KCNE2: variants seen among roughly 807,000 people sequenced by gnomAD.
KCNE2 encodes potassium voltage-gated channel subfamily E member 2.
In KCNE2, 4 loss-of-function variants were observed where a neutral mutation model predicts 4.5. The ratio of observed to expected loss-of-function variants is 0.89; its 90% confidence interval spans 0.44 to 2.03. The LOEUF (loss-of-function observed/expected upper bound fraction) is 2.03. Among genes scored for constraint, KCNE2 ranks in the 30% most tolerant of loss-of-function variants. The pLI is 0.03. For missense variants in KCNE2, 137 were observed against 151.4 expected (o/e 0.90, Z 0.50); for synonymous variants, 57 against 55.9 (o/e 1.02, Z -0.09).
chr21:34,367,589 G>A (rs1009848281), intron 1 of KCNE2, among the ~76,000 whole-genome samples: 6 of 152,306 alleles, frequency 3.9e-5, no homozygotes, highest in Non-Finnish European at 8.8e-5. Flanking sequence ...AGACAGAGAA[G>A]AGTATATTAT....
At chr21:34,370,401 A>G (rs1479918465) in intron 1 of KCNE2, 66 bp from the exon 2 acceptor site, 43 of 1,604,144 alleles carry the variant, frequency 2.7e-5, no homozygotes, top group Non-Finnish European at 3.6e-5. Flanking sequence ...CCACCTTTAC[A>G]TAGCCAAATC....
At chr21:34,367,958 C>G (rs1979380289) in intron 1 of KCNE2, among the ~76,000 whole-genome samples, 1 of 151,904 alleles carries the variant, frequency 6.6e-6, no homozygotes, top group African/African-American at 2.4e-5. Context: ...TTGTCCATAC[C>G]TGTTGCAACT....
intron 1 of KCNE2, among the ~76,000 whole-genome samples, chr21:34,365,955 G>T (rs1244956142): frequency 4.6e-5 from 7 of 152,154 alleles, no homozygotes; most frequent in Non-Finnish European, 7.4e-5. Context: ...CTGTTTATTT[G>T]GCCTGGCCAC....
chr21:34,366,308 G>GA (rs1325536080), intron 1 of KCNE2, among the ~76,000 whole-genome samples: 3 of 152,074 alleles, frequency 2.0e-5, no homozygotes, highest in Non-Finnish European at 4.4e-5. Context: ...CTTTCTTGGG[G>GA]AAAAATTAAG....
chr21:34,366,033 C>T (rs895201348), intron 1 of KCNE2, among the ~76,000 whole-genome samples: 7 of 152,176 alleles, frequency 4.6e-5, no homozygotes, highest in South Asian at 2.1e-4. Context: ...TATCAAAAAG[C>T]ACCTCCTGAC....
chr21:34,367,469 T>G (rs1387456757), intron 1 of KCNE2, among the ~76,000 whole-genome samples: 1 of 152,190 alleles, frequency 6.6e-6, no homozygotes, highest in Non-Finnish European at 1.5e-5. Flanking sequence ...GTATATACCC[T>G]GGGGCAATCT....
chr21:34,366,351 T>C (rs1416840036), intron 1 of KCNE2, among the ~76,000 whole-genome samples: 2 of 152,164 alleles, frequency 1.3e-5, no homozygotes, highest in Non-Finnish European at 2.9e-5. Flanking sequence ...TCGAGGGATC[T>C]TTAACACCGC....
chr21:34,368,267 T>TATATTATA lies in KCNE2; in HGVS notation c.-12-2200_-12-2199insATATTATA, dbSNP rs1370394357. 7.0e-5 allele frequency among the ~76,000 whole-genome samples: 5 copies of TATATTATA among 71,072 alleles called. No individual in the cohort carries two copies. The South Asian group carries it at 2.9e-3, about 41-fold the overall frequency. The allele number at this position is 71,072 out of a possible 152,430, so 46.6% of individuals were successfully genotyped here. ...ATATATATATATATATATATGTATG[T>TATATTATA]TATATATATGTATGTTATATATATG... On this transcript the variant is annotated intron_variant, in intron 1 of 1. Transcript: ENST00000290310.
In KCNE2 at chr21:34,368,258, ATATGTATGT is replaced by A. The variant is rs1404791492; in HGVS notation, c.-12-2205_-12-2197del. On this transcript the variant is annotated intron_variant, in intron 1 of 1. Coordinates refer to ENST00000290310, the MANE Select transcript of KCNE2 (RefSeq NM_172201.2). The stretch of plus-strand genomic sequence containing the variant: ...TATATATATATATATATATATATAT[ATATGTATGT>A]TATATATATGTATGTTATATATATG... Among the ~76,000 whole-genome samples the A allele has an allele frequency of 6.6e-3, 633 of 95,860 alleles. 2 individuals carry two copies. Among genetic ancestry groups the A allele is most frequent in the Middle Eastern group, 0.014 (3 of 214 alleles). The allele number at this position is 95,860 out of a possible 152,430, so 62.9% of individuals were successfully genotyped here.
chr21:34,366,779 A>G (rs921825380), intron 1 of KCNE2, among the ~76,000 whole-genome samples: 1 of 151,794 alleles, frequency 6.6e-6, no homozygotes, highest in Non-Finnish European at 1.5e-5. Flanking sequence ...GGAGATCGAG[A>G]CCATCCTGGC....
Position 34,370,810 on chromosome 21 carries a change from A to T in KCNE2, c.332A>T (p.His111Leu). Residue 111 changes from histidine to leucine, a missense_variant, in exon 2 of 2, where the codon CAT (histidine) becomes CTT (leucine). By Grantham distance (99) the His-to-Leu change is moderately conservative. Transcript: ENST00000290310. ...CTAGAAGAATCGAAGGCCACCATCC[A>T]TGAGAACATTGGTGCGGCTGGGTTC... ...LNLEESKATI[H>L]ENIGAAGFKM... The T allele has an allele frequency of 6.2e-7, 1 of 1,614,218 alleles. No individual in the cohort carries two copies.
chr21:34,370,199 C>T (rs1307513843), intron 1 of KCNE2, among the ~76,000 whole-genome samples: 1 of 152,160 alleles, frequency 6.6e-6, no homozygotes, highest in Non-Finnish European at 1.5e-5. Flanking sequence ...CATTTATTTA[C>T]ATGCATATAT....
Position 34,370,768 on chromosome 21 carries a change from A to T in KCNE2, c.290A>T (p.Lys97Met). ...YIVEDWQEKYKSQILNLEESK... is the reference protein window; with the variant it reads ...YIVEDWQEKYMSQILNLEESK... ...GTAGAGGACTGGCAGGAAAAGTACA[A>T]GAGCCAAATCTTGAATCTAGAAGAA... Residue 97 changes from lysine (K) to methionine (M), a missense_variant, in exon 2 of 2, where the codon AAG (lysine) becomes ATG (methionine). By Grantham distance (95) the Lys-to-Met change is moderately conservative. Coordinates refer to ENST00000290310, the MANE Select transcript of KCNE2 (RefSeq NM_172201.2). 1 of 1,614,222 alleles carries T rather than the reference A, an allele frequency of 6.2e-7. No individual in the cohort carries two copies. Among genetic ancestry groups the T allele is most frequent in the South Asian group, 1.1e-5 (1 of 91,084 alleles).
intron 1 of KCNE2, among the ~76,000 whole-genome samples, chr21:34,364,704 T>G (rs1603057776): frequency 6.8e-6 from 1 of 148,124 alleles, no homozygotes; most frequent in Admixed American, 6.8e-5. Context: ...ACCCGGGAGG[T>G]GGAGCTTGCA....
intron 1 of KCNE2, among the ~76,000 whole-genome samples, chr21:34,367,020 C>CA (rs1241766057): frequency 2.4e-4 from 21 of 88,744 alleles, no homozygotes; most frequent in African/African-American, 8.9e-4. Context: ...ACAAAACTAA[C>CA]ATGGTCATTT....
rs747045005 is a variant in KCNE2 at position 34,370,545 on chromosome 21, A to T, written c.67A>T (p.Met23Leu). The T allele has an allele frequency of 1.3e-5, 21 of 1,614,084 alleles. No homozygotes were observed. Among genetic ancestry groups the T allele is most frequent in the Non-Finnish European group, 1.7e-5 (20 of 1,180,048 alleles). ...CTTCCGAAGGATTTTTATTACTTAT[A>T]TGGACAATTGGCGCCAGAACACAAC... ...DVFRRIFITY[M>L]DNWRQNTTAE... Residue 23 changes from methionine to leucine, a missense_variant, in exon 2 of 2, where the codon ATG becomes TTG. By Grantham distance (15) the Met-to-Leu change is conservative. Transcript: ENST00000290310.
intron 1 of KCNE2, among the ~76,000 whole-genome samples, chr21:34,367,252 G>T (rs1479605281): frequency 6.6e-6 from 1 of 151,114 alleles, no homozygotes; most frequent in Non-Finnish European, 1.5e-5. Context: ...CTTGAGCCTA[G>T]GAGTTTAACA....
chr21:34,368,635 C>T (rs2123421909), intron 1 of KCNE2, among the ~76,000 whole-genome samples: 1 of 152,162 alleles, frequency 6.6e-6, no homozygotes, highest in East Asian at 1.9e-4. Flanking sequence ...CAATCGTTTG[C>T]CTTGATGTTA....
rs1979578226 is a variant in KCNE2, at chr21:34,371,233, A to C, written c.*383A>C. 3.5e-6 allele frequency: 1 copy of C among 289,234 alleles called. No homozygotes were observed. Among genetic ancestry groups the C allele is most frequent in the Non-Finnish European group, 6.8e-6 (1 of 146,982 alleles). The allele number at this position is 289,234 out of a possible 1,614,324, so 17.9% of individuals were successfully genotyped here. A position where few individuals can be genotyped will look rare whatever the true frequency, so the allele number is the denominator to read the frequency against. On this transcript the variant is annotated 3_prime_UTR_variant, in exon 2 of 2. Transcript: ENST00000290310. ...TCATGAAACATCATTTGTGTGTGAC[A>C]AATTCAATTTATAAATAACCCAGAT...
Sources: allele counts gnomAD v4.1 joint callset (sites outside exome capture counted in the v4.1 genomes callset), GRCh38; gene constraint gnomAD v4.1.1; transcripts MANE v1.5; gene names NCBI Gene and HGNC (gene_info 2026-07-23, HGNC 2026-07-21).